Variants in LAMA5 observed in about 807,000 individuals in gnomAD.
LAMA5 encodes the protein laminin subunit alpha-5.
A neutral mutation model predicts 433.4 loss-of-function variants in LAMA5; 260 were observed. That is an observed-to-expected ratio of 0.60 (90% confidence interval 0.54 to 0.66). The LOEUF (loss-of-function observed/expected upper bound fraction) is 0.66, where lower values mean the gene tolerates loss of function less well. LAMA5 is among the 30% of genes least tolerant of loss of function. LAMA5 has a pLI of 0.00. For synonymous variants in LAMA5, 2,620 were observed against 2,226.6 expected, an observed-to-expected ratio of 1.18 and a Z score of -4.97; for missense variants, 5,378 against 5,258.5, an observed-to-expected ratio of 1.02 and a Z score of -0.70.
intron 79 of LAMA5, 82 bp downstream of exon 79, chr20:62,309,634 A>AGGGGGGG (rs1172790797): frequency 2.4e-5 from 10 of 425,026 alleles, no homozygotes; most frequent in African/African-American, 9.5e-5. Flanking sequence ...CAGGGGGTGG[A>AGGGGGGG]GGGGTGGGGG....
In LAMA5 at chr20:62,330,811, C is replaced by T. The variant is rs560228542; in HGVS notation, c.3784G>A (p.Gly1262Arg). The change falls in exon 30 of 80, where the codon GGA becomes AGA. Residue 1262 changes from glycine (G) to arginine (R), a missense_variant. Gly to Arg is a moderately radical substitution (Grantham distance 125). Coordinates refer to ENST00000252999, the MANE Select transcript of LAMA5 (RefSeq NM_005560.6). ...GCGGTGGGGGGCCGAGGTCGGGGTC[C>T]AGCTGGGGACATGGCTGGAGTGAGA... ...QDLTPAMSPA[G>R]PRPRPPTAVD... is the part of the protein sequence containing the mutation. The T allele has an allele frequency of 1.9e-6, 3 of 1,555,074 alleles. No individual in the cohort carries two copies. Among genetic ancestry groups the T allele is most frequent in the East Asian group, 4.8e-5 (2 of 41,580 alleles).
intron 51 of LAMA5, 80 bp from the exon 52 acceptor site, chr20:62,319,093 C>CCAG (rs1418940091): frequency 3.6e-6 from 5 of 1,385,130 alleles, no homozygotes; most frequent in Non-Finnish European, 4.8e-6. Flanking sequence ...GCCCAAGACC[C>CCAG]CAGCCCTGCC....
At position 62,332,562 on chromosome 20, in the gene LAMA5, C is replaced by A. The variant is rs753476411; in HGVS notation, c.3438G>T (p.Leu1146=). The A allele has an allele frequency of 1.2e-5, 19 of 1,596,746 alleles. No homozygotes were observed. Among genetic ancestry groups the A allele is most frequent in the Non-Finnish European group, 1.5e-5 (18 of 1,169,580 alleles). ...CCCCACCGGCTCCCACTCACCTGTA[C>A]AGGCAGGGGTGCAGGGAGAGCAGCC... ...QQGLLSLHPC[L]YSTLCRGTAR... The change falls in exon 27 of 80, where the codon CTG becomes CTT. Residue 1146 remains leucine (L), a synonymous_variant. Transcript: ENST00000252999.
At chr20:62,337,482 A>C (rs1484451373) in intron 16 of LAMA5, 108 bp downstream of exon 16, 1 of 1,437,390 alleles carries the variant, frequency 7.0e-7, no homozygotes, top group Admixed American at 2.1e-5. Flanking sequence ...CGCAGTACAC[A>C]CAGCAAGATG....
chr20:62,346,020 C>A, intron 10 of LAMA5, 61 bp downstream of exon 10: 2 of 1,604,298 alleles, frequency 1.2e-6, no homozygotes, highest in Non-Finnish European at 1.7e-6. Flanking sequence ...CCACCCCCTG[C>A]AGGGCTCCCG....
intron 51 of LAMA5, among the ~76,000 whole-genome samples, chr20:62,319,326 T>C (rs928899495): frequency 2.0e-5 from 3 of 152,082 alleles, no homozygotes; most frequent in African/African-American, 7.2e-5. Context: ...TGGCACCCCC[T>C]GCCGACCCCC....
In LAMA5 at chr20:62,351,924, G is replaced by A. The variant is rs777146636; in HGVS notation, c.843C>T (p.Pro281=). The change falls in exon 5 of 80, where the codon CCC becomes CCT. Residue 281 remains proline, a synonymous_variant. Transcript: ENST00000252999. ...GGCAGCTCACCCGGCGGGTGACCGT[G>A]GGGTCCCGCAGCGCCTTCCCCATGA... ...GHLMGKALRD[P]TVTRRYYYSI... The A allele has an allele frequency of 1.2e-6, 2 of 1,607,044 alleles. No individual in the cohort carries two copies. The highest frequency in any genetic ancestry group is 1.3e-5 in the African/African-American group (1 of 74,808).
rs762840980 is a variant in LAMA5, at chr20:62,318,491, A to T, written c.7202T>A (p.Leu2401His). 2 of 1,607,740 alleles carry T rather than the reference A, an allele frequency of 1.2e-6. No individual in the cohort carries two copies. Among genetic ancestry groups the T allele is most frequent in the African/African-American group, 1.3e-5 (1 of 74,496 alleles). Residue 2401 changes from leucine (L) to histidine (H), a missense_variant, in exon 53 of 80, where the codon CTC becomes CAC. Coordinates refer to ENST00000252999, the MANE Select transcript of LAMA5 (RefSeq NM_005560.6). ...AVDATREAQE[L>H]NSRNQERLEE... is the part of the protein sequence containing the mutation. ...CAGGCGCTCCTGGTTGCGGCTGTTG[A>T]GCTCCTGGGCCTCCCGTGTGGCGTC...
rs1601263554 is a variant in LAMA5 at position 62,310,097 on chromosome 20, G to A, written c.10735-16C>T. 1.9e-6 allele frequency: 3 copies of A among 1,610,940 alleles called. No individual in the cohort carries two copies. Among genetic ancestry groups the A allele is most frequent in the Non-Finnish European group, 2.5e-6 (3 of 1,179,750 alleles). Reference sequence around the variant, plus strand: ...GCAGCAGGACCTGGCGGGGTAGGAAGGGAGGGTCAGGCTATGCCCCCGAGG... The same window carrying A: ...GCAGCAGGACCTGGCGGGGTAGGAAAGGAGGGTCAGGCTATGCCCCCGAGG... On this transcript the variant is annotated splice_polypyrimidine_tract_variant and intron_variant, in intron 77 of 79. Coordinates refer to ENST00000252999, the MANE Select transcript of LAMA5 (RefSeq NM_005560.6).
chr20:62,313,625 C>T, intron 63 of LAMA5, 24 bp downstream of exon 63: 1 of 1,610,994 alleles, frequency 6.2e-7, no homozygotes, highest in South Asian at 1.1e-5. Flanking sequence ...CCCTCCCAGG[C>T]TGCCCCAGGC....
Position 62,329,193 on chromosome 20 carries a change from G to A in LAMA5, c.4180C>T (p.Leu1394=), listed in dbSNP as rs763361842. Residue 1394 remains leucine (L), a synonymous_variant, in exon 33 of 80, where the codon CTG becomes TTG. Coordinates refer to ENST00000252999, the MANE Select transcript of LAMA5 (RefSeq NM_005560.6). The stretch of plus-strand genomic sequence containing the variant: ...CTGATGAAGTCATAGGATTTATCCA[G>A]GGGCTCCTCCCGGAGGTAGCCAAAG... ...YSFGYLREEP[L]DKSYDFISHC... is the part of the protein sequence containing the mutation. 3.1e-6 allele frequency: 5 copies of A among 1,612,802 alleles called. No individual in the cohort carries two copies. In the African/African-American group the frequency reaches 5.3e-5, roughly 17 times the overall value.
intron 2 of LAMA5, among the ~76,000 whole-genome samples, chr20:62,360,028 G>A (rs1485588286): frequency 1.4e-5 from 2 of 148,034 alleles, no homozygotes; most frequent in African/African-American, 5.0e-5. Context: ...CCCACCCGCC[G>A]CTCAGCCTGG....
At position 62,312,693 on chromosome 20, in the gene LAMA5, C is replaced by T; in HGVS notation, c.9166G>A (p.Asp3056Asn). The change falls in exon 67 of 80, where the codon GAT (aspartate) becomes AAT (asparagine). Residue 3056 changes from aspartate (D) to asparagine (N), a missense_variant. Coordinates refer to ENST00000252999, the MANE Select transcript of LAMA5 (RefSeq NM_005560.6). ...TAGTAGGCGTCGGCCAGCTCCAGAT[C>T]ATTGTCCTGCTCCACGCTGTACACC... ...ATVYSVEQDN[D>N]LELADAYYLG... 6.2e-7 allele frequency: 1 copy of T among 1,607,134 alleles called. No homozygotes were observed. The highest frequency in any genetic ancestry group is 8.5e-7 in the Non-Finnish European group (1 of 1,177,668).
chr20:62,337,457 G>T (rs984888350), intron 16 of LAMA5, 133 bp downstream of exon 16: 2 of 1,228,726 alleles, frequency 1.6e-6, no homozygotes, highest in East Asian at 2.5e-5. Context: ...CGAACACAGA[G>T]CGTGGGGACG....
intron 41 of LAMA5, chr20:62,325,015 G>C (rs1979003085): frequency 2.6e-6 from 1 of 379,132 alleles, no homozygotes; most frequent in Non-Finnish European, 4.9e-6. Flanking sequence ...ATGGTCGGTG[G>C]GGGATGTCCA....
chr20:62,316,159 A>G (rs978855881), intron 57 of LAMA5, 101 bp from the exon 58 acceptor site: 6 of 759,968 alleles, frequency 7.9e-6, no homozygotes, highest in Middle Eastern at 2.3e-4. Flanking sequence ...AGGCTGACAC[A>G]CAGCAGACAG....
At position 62,333,207 on chromosome 20, in the gene LAMA5, G is replaced by A. The variant is rs752996764; in HGVS notation, c.3165C>T (p.Phe1055=). Residue 1055 remains phenylalanine, a synonymous_variant, in exon 26 of 80, where the codon TTC becomes TTT. Coordinates refer to ENST00000252999, the MANE Select transcript of LAMA5 (RefSeq NM_005560.6). ...GGGCCTCCAGCCCGGCGGCCGAGGG[G>A]AAGCCATCCAGGGGGAGGTGTGTGT... The part of the protein sequence containing the change: ...LLYTHLPLDG[F]PSAAGLEALC... 3.3e-6 allele frequency: 5 copies of A among 1,523,170 alleles called. No individual in the cohort carries two copies. The highest frequency in any genetic ancestry group is 3.5e-6 in the Non-Finnish European group (4 of 1,135,348). 94.4% of individuals were successfully genotyped at this position (1,523,170 alleles called of 1,614,324 possible).
At chr20:62,346,040 A>T in intron 10 of LAMA5, 41 bp downstream of exon 10, 1 of 1,610,084 alleles carries the variant, frequency 6.2e-7, no homozygotes, top group African/African-American at 1.3e-5. Context: ...GGAGTCCAGC[A>T]GGCAGTGGTG....
intron 2 of LAMA5, among the ~76,000 whole-genome samples, chr20:62,356,807 T>A (rs1174603872): frequency 6.6e-6 from 1 of 151,958 alleles, no homozygotes; most frequent in Non-Finnish European, 1.5e-5. Context: ...ATAAAATGCC[T>A]TTCATGAGGG....
Sources: gnomAD v4.1 joint callset for allele counts (sites outside exome capture counted in the v4.1 genomes callset) on GRCh38, gnomAD v4.1.1 for gene constraint, MANE v1.5 for transcripts, NCBI Gene and HGNC (gene_info 2026-07-23, HGNC 2026-07-21) for gene names.